MRPS14: variants seen among roughly 807,000 people sequenced by gnomAD.
MRPS14 encodes mitochondrial ribosomal protein S14.
In MRPS14, 14 loss-of-function variants were observed where a neutral mutation model predicts 16.4. The ratio of observed to expected loss-of-function variants is 0.85; its 90% CI spans 0.56 to 1.33. The LOEUF (loss-of-function observed/expected upper bound fraction) is 1.33. MRPS14 is among the 40% of genes most tolerant of loss of function. The pLI is 0.00. For missense variants in MRPS14, 162 were observed against 176.8 expected (o/e 0.92, Z 0.48); for synonymous variants, 54 against 61.9 (o/e 0.87, Z 0.60).
In MRPS14 at chr1:175,014,296, G is replaced by T; in HGVS notation, c.*373C>A. ...ACAAACTGCCATACATGAGCTACAT[G>T]TCAATTAGTTGGATTATGTATAAGA... On this transcript the variant is annotated 3_prime_UTR_variant, in exon 3 of 3. Transcript: ENST00000476371. The T allele has an allele frequency of 2.9e-6, 1 of 346,256 alleles. No homozygotes were observed. Among genetic ancestry groups the T allele is most frequent in the Non-Finnish European group, 5.1e-6 (1 of 194,568 alleles). The allele number at this position is 346,256 out of a possible 1,614,324, so 21.4% of individuals were successfully genotyped here.
chr1:175,023,418 T>C lies in MRPS14; in HGVS notation c.-10A>G, dbSNP rs1673018067. On this transcript the variant is annotated 5_prime_UTR_variant, in exon 1 of 3. Coordinates refer to ENST00000476371, the MANE Select transcript of MRPS14 (RefSeq NM_022100.3). ...GCATGAAGGCCGCCATGTTGTCCGC[T>C]ACAAACTACAAACCGCTGAAACTTT... 1 of 1,613,834 alleles carries C rather than the reference T, an allele frequency of 6.2e-7. No individual in the cohort carries two copies. Among genetic ancestry groups the C allele is most frequent in the Admixed American group, 1.7e-5 (1 of 59,982 alleles).
rs909800017 is a variant in MRPS14 at position 175,014,675 on chromosome 1, T to C, written c.381A>G (p.Thr127=). The part of the protein sequence containing the change: ...HGQLSGIQRA[T]W ...AATAGGTTCTGGAGCTCATTTACCA[T>C]GTCGCTCGCTGGATCCCAGAAAGTT... is the stretch of plus-strand genomic sequence containing the variant. The change falls in exon 3 of 3, where the codon ACA becomes ACG. Residue 127 remains threonine, a synonymous_variant. Transcript: ENST00000476371. 6.8e-6 allele frequency: 11 copies of C among 1,608,508 alleles called. No homozygotes were observed. The highest frequency in any genetic ancestry group is 1.1e-5 in the South Asian group (1 of 90,764).
rs1221840409 is a variant in MRPS14 at position 175,013,754 on chromosome 1, G to A, written c.*915C>T. 1 of 152,106 alleles carries A rather than the reference G, an allele frequency of 6.6e-6. No homozygotes were observed. Among genetic ancestry groups the A allele is most frequent in the Non-Finnish European group, 1.5e-5 (1 of 68,030 alleles). The allele number at this position is 152,106 out of a possible 1,614,324, so 9.4% of individuals were successfully genotyped here. A position where few individuals can be genotyped will look rare whatever the true frequency, so the allele number is the denominator to read the frequency against. On this transcript the variant is annotated 3_prime_UTR_variant, in exon 3 of 3. Transcript: ENST00000476371. ...GCCTTGTCTTGTGCTTCATATTTCT[G>A]ATCTACTGAAGTGACTGTGGTTCTC...
At chr1:175,023,254 C>T in intron 1 of MRPS14, 110 bp downstream of exon 1, 8 of 1,559,878 alleles carry the variant, frequency 5.1e-6, no homozygotes, top group Non-Finnish European at 6.1e-6. Context: ...GAAGGAGAAC[C>T]CCTGGACTGG....
intron 2 of MRPS14, among the ~76,000 whole-genome samples, chr1:175,015,971 G>A (rs1237686369): frequency 6.6e-6 from 1 of 152,204 alleles, no homozygotes; most frequent in Non-Finnish European, 1.5e-5. Context: ...GCCGAGGCAG[G>A]CGGATCATCT....
Position 175,023,350 on chromosome 1 carries a change from A to G in MRPS14, c.45+14T>C, listed in dbSNP as rs2149416153. 2 of 1,613,890 alleles carry G rather than the reference A, an allele frequency of 1.2e-6. No homozygotes were observed. The highest frequency in any genetic ancestry group is 4.5e-5 in the East Asian group (2 of 44,876). ...GGTGAGGGGTAGCGGTGTGGATAAAAGTAGAGGCCTGACCTGCTTGAACGT... is the reference window on the plus strand; with the variant it reads ...GGTGAGGGGTAGCGGTGTGGATAAAGGTAGAGGCCTGACCTGCTTGAACGT... On this transcript the variant is annotated intron_variant, in intron 1 of 2. Transcript: ENST00000476371.
intron 1 of MRPS14, among the ~76,000 whole-genome samples, chr1:175,022,784 T>G (rs573690733): frequency 6.6e-6 from 1 of 151,088 alleles, no homozygotes; most frequent in South Asian, 2.1e-4. Context: ...CTTTAAAGGC[T>G]TATCTATACT....
In MRPS14 at chr1:175,018,513, C is replaced by T. The variant is rs559212335; in HGVS notation, c.109G>A (p.Asp37Asn). The T allele has an allele frequency of 3.7e-6, 6 of 1,613,214 alleles. No homozygotes were observed. In the African/African-American group the frequency reaches 4.0e-5, roughly 11 times the overall value. The change falls in exon 2 of 3, where the codon GAT becomes AAT. Residue 37 changes from aspartate to asparagine, a missense_variant. By Grantham distance (23) the Asp-to-Asn change is conservative (BLOSUM62 1). Transcript: ENST00000476371. ...SHYVDWRMWR[D>N]VKRRKMAYEY... ...TAGGCCATTTTTCGTCTCTTCACAT[C>T]GCGCCACATTCTCCAGTCTACATAG...
Position 175,014,566 on chromosome 1 carries a change from TG to T in MRPS14, c.*102del. 5.8e-6 allele frequency: 7 copies of T among 1,201,754 alleles called. No individual in the cohort carries two copies. In the South Asian group the frequency reaches 9.6e-5, roughly 16 times the overall value. The allele number at this position is 1,201,754 out of a possible 1,614,324, so 74.4% of individuals were successfully genotyped here. ...CATCAGGTAGGCCAAACAACTGTAC[TG>T]GGCCCCTGTAGAGATTAGGGTTTGG... On this transcript the variant is annotated 3_prime_UTR_variant, in exon 3 of 3. Transcript: ENST00000476371.
At chr1:175,014,888 A>G in intron 2 of MRPS14, 37 bp from the exon 3 acceptor site, 1 of 1,567,204 alleles carries the variant, frequency 6.4e-7, no homozygotes, top group Non-Finnish European at 8.6e-7. Context: ...ATCACATTAC[A>G]TTGTTGCACA....
Position 175,014,520 on chromosome 1 carries a change from T to C in MRPS14, c.*149A>G, listed in dbSNP as rs549264196. 4 of 668,734 alleles carry C rather than the reference T, an allele frequency of 6.0e-6. No individual in the cohort carries two copies. In the Admixed American group the frequency reaches 1.4e-4, roughly 23 times the overall value. 41.4% of individuals were successfully genotyped at this position (668,734 alleles called of 1,614,324 possible). ...CATGAAACACCCAAATGTCTTCATT[T>C]TAAAAGTAGTTTAGAGATAGCATCA... On this transcript the variant is annotated 3_prime_UTR_variant, in exon 3 of 3. Transcript: ENST00000476371.
At chr1:175,023,141 A>G in intron 1 of MRPS14, 2 of 1,121,404 alleles carry the variant, frequency 1.8e-6, no homozygotes, top group Non-Finnish European at 1.2e-6. Context: ...ATCGGAGTCA[A>G]TCTCACATCT....
chr1:175,013,646 C>T lies in MRPS14; in HGVS notation c.*1023G>A, dbSNP rs932130351. On this transcript the variant is annotated 3_prime_UTR_variant, in exon 3 of 3. Transcript: ENST00000476371. Reference sequence around the variant, plus strand: ...TACCTGTATTACAAACTGATGATGTCATTCCTGTGCTTAAAACTCTGTAAT... The same window carrying T: ...TACCTGTATTACAAACTGATGATGTTATTCCTGTGCTTAAAACTCTGTAAT... 1 of 152,184 alleles carries T rather than the reference C, an allele frequency of 6.6e-6. No individual in the cohort carries two copies. The highest frequency in any genetic ancestry group is 1.5e-5 in the Non-Finnish European group (1 of 68,036). 9.4% of individuals were successfully genotyped at this position (152,184 alleles called of 1,614,324 possible).
chr1:175,018,515 C>T lies in MRPS14; in HGVS notation c.107G>A (p.Arg36His), dbSNP rs147012061. ...RSHYVDWRMW[R>H]DVKRRKMAYE... Reference sequence around the variant, plus strand: ...GGCCATTTTTCGTCTCTTCACATCGCGCCACATTCTCCAGTCTACATAGTG... The same window carrying T: ...GGCCATTTTTCGTCTCTTCACATCGTGCCACATTCTCCAGTCTACATAGTG... Residue 36 changes from arginine (R) to histidine (H), a missense_variant, in exon 2 of 3, where the codon CGC (arginine) becomes CAC (histidine). By Grantham distance (29) the Arg-to-His change is conservative (BLOSUM62 0). Transcript: ENST00000476371. The T allele has an allele frequency of 1.4e-5, 23 of 1,612,920 alleles. No individual in the cohort carries two copies. The highest frequency in any genetic ancestry group is 5.0e-5 in the Admixed American group (3 of 59,522).
At position 175,014,634 on chromosome 1, in the gene MRPS14, G is replaced by C; in HGVS notation, c.*35C>G. ...TTTGCTTGCTGGAACTGCAAGCTTGGCTTCCCTGCAAGCTCAATAGGTTCT... is the reference window on the plus strand; with the variant it reads ...TTTGCTTGCTGGAACTGCAAGCTTGCCTTCCCTGCAAGCTCAATAGGTTCT... On this transcript the variant is annotated 3_prime_UTR_variant, in exon 3 of 3. Transcript: ENST00000476371. 6.4e-7 allele frequency: 1 copy of C among 1,561,488 alleles called. No homozygotes were observed. Among genetic ancestry groups the C allele is most frequent in the Non-Finnish European group, 8.7e-7 (1 of 1,155,370 alleles).
intron 2 of MRPS14, 58 bp from the exon 3 acceptor site, chr1:175,014,909 T>G: frequency 6.8e-7 from 1 of 1,462,394 alleles, no homozygotes; most frequent in Non-Finnish European, 9.3e-7. Flanking sequence ...TGTATTTTGC[T>G]CCTTCTCACT....
At chr1:175,015,742 T>A (rs1437892027) in intron 2 of MRPS14, among the ~76,000 whole-genome samples, 1 of 152,218 alleles carries the variant, frequency 6.6e-6, no homozygotes, top group East Asian at 1.9e-4. Flanking sequence ...ATATTCACTT[T>A]AATCTGATAA....
Position 175,014,183 on chromosome 1 carries a change from C to G in MRPS14, c.*486G>C, listed in dbSNP as rs1672837788. 1 of 174,836 alleles carries G rather than the reference C, an allele frequency of 5.7e-6. No homozygotes were observed. Among genetic ancestry groups the G allele is most frequent in the Non-Finnish European group, 1.2e-5 (1 of 83,564 alleles). 10.8% of individuals were successfully genotyped at this position (174,836 alleles called of 1,614,324 possible). A position where few individuals can be genotyped will look rare whatever the true frequency, so the allele number is the denominator to read the frequency against. ...AAGAAGAAGTGGAGCATTAGATAAT[C>G]CAGAACAGCAGCCTTGCTATCCAAT... On this transcript the variant is annotated 3_prime_UTR_variant, in exon 3 of 3. Transcript: ENST00000476371.
intron 2 of MRPS14, among the ~76,000 whole-genome samples, chr1:175,016,829 C>G (rs554705730): frequency 2.6e-5 from 4 of 152,280 alleles, no homozygotes; most frequent in South Asian, 4.1e-4. Flanking sequence ...TACTCTCTTA[C>G]CAATTTCAAG....
Sources: gnomAD v4.1 joint callset for allele counts (sites outside exome capture counted in the v4.1 genomes callset) on GRCh38, gnomAD v4.1.1 for gene constraint, MANE v1.5 for transcripts, NCBI Gene and HGNC (gene_info 2026-07-23, HGNC 2026-07-21) for gene names.